Variants in HAUS1 observed in about 807,000 individuals in gnomAD.
The protein encoded by HAUS1 is HAUS augmin like complex subunit 1.
In HAUS1, 25 loss-of-function variants were observed where a neutral mutation model predicts 38.6. The observed-to-expected ratio is 0.65, with a 90% CI of 0.47 to 0.91. HAUS1 has a LOEUF of 0.91. HAUS1 is among the 40% of genes least tolerant of loss of function. HAUS1 has a pLI of 0.00. For missense variants in HAUS1, 325 were observed against 328.4 expected (o/e 0.99, Z 0.08); for synonymous variants, 109 against 112.9 (o/e 0.97, Z 0.22).
At chr18:46,109,556 G>C (rs1299924012) in intron 2 of HAUS1, 1 of 151,976 alleles carries the variant, frequency 6.6e-6, no homozygotes, top group Non-Finnish European at 1.5e-5. Context: ...CTCTCCTGAA[G>C]AGTGTTCTAT....
chr18:46,106,507 A>T (rs182739115), intron 2 of HAUS1, among the ~76,000 whole-genome samples: 43 of 152,152 alleles, frequency 2.8e-4, no homozygotes, highest in African/African-American at 1.0e-3. Context: ...TGCATTCAAG[A>T]TGCCTATTGT....
At chr18:46,109,087 A>G (rs989549466) in intron 2 of HAUS1, among the ~76,000 whole-genome samples, 2 of 147,998 alleles carry the variant, frequency 1.4e-5, no homozygotes, top group Non-Finnish European at 3.0e-5. Flanking sequence ...AAAAAAAAAA[A>G]AGAGAAAAGA....
chr18:46,108,010 AG>A (rs1235770535), intron 2 of HAUS1, among the ~76,000 whole-genome samples: 5 of 152,206 alleles, frequency 3.3e-5, no homozygotes, highest in Admixed American at 6.6e-5. Flanking sequence ...GGCTGTGTGG[AG>A]ATTTTTAATC....
At position 46,105,343 on chromosome 18, in the gene HAUS1, G is replaced by A; in HGVS notation, c.180G>A (p.Gln60=). The change falls in exon 2 of 9, where the codon CAG becomes CAA. Residue 60 remains glutamine, a synonymous_variant. Transcript: ENST00000282058. Reference sequence around the variant, plus strand: ...ACCTGGTAATAGAGGACTTGAAGCAGAAAGCAAGTGAATACGAGTCAGAAG... The same window carrying A: ...ACCTGGTAATAGAGGACTTGAAGCAAAAAGCAAGTGAATACGAGTCAGAAG... ...DVYLVIEDLK[Q]KASEYESEAK... is the part of the protein sequence containing the mutation. 6.2e-7 allele frequency: 1 copy of A among 1,613,144 alleles called. No homozygotes were observed. The highest frequency in any genetic ancestry group is 8.5e-7 in the Non-Finnish European group (1 of 1,179,560).
At chr18:46,110,152 C>CTTTT (rs869105132) in intron 2 of HAUS1, among the ~76,000 whole-genome samples, 5,047 of 115,268 alleles carry the variant, frequency 0.044, 227 homozygotes, top group African/African-American at 0.08. Flanking sequence ...TTATTTTGTC[C>CTTTT]TTTTTTTTTT....
chr18:46,117,583 CTT>C (rs1294963590), intron 2 of HAUS1, among the ~76,000 whole-genome samples: 2 of 152,088 alleles, frequency 1.3e-5, no homozygotes, highest in African/African-American at 4.8e-5. Context: ...AATCCTAGCA[CTT>C]TGGGAGGCCA....
Position 46,122,458 on chromosome 18 carries a change from T to G in HAUS1, c.477-9T>G. On this transcript the variant is annotated splice_polypyrimidine_tract_variant and intron_variant, in intron 4 of 8. Coordinates refer to ENST00000282058, the MANE Select transcript of HAUS1 (RefSeq NM_138443.4). ...AAGAAGAAAATGTTTTTAATTTTGCTTTTTAAAGGGATGTCAAGAAAGCAG... is the reference window on the plus strand; with the variant it reads ...AAGAAGAAAATGTTTTTAATTTTGCGTTTTAAAGGGATGTCAAGAAAGCAG... 5 of 1,612,400 alleles carry G rather than the reference T, an allele frequency of 3.1e-6. No homozygotes were observed. The highest frequency in any genetic ancestry group is 4.2e-6 in the Non-Finnish European group (5 of 1,179,430).
chr18:46,116,638 T>C (rs944536525), intron 2 of HAUS1, among the ~76,000 whole-genome samples: 4 of 151,698 alleles, frequency 2.6e-5, no homozygotes, highest in Non-Finnish European at 5.9e-5. Context: ...GCAAGGGGTA[T>C]ACACAGACAT....
intron 5 of HAUS1, 75 bp from the exon 6 acceptor site, chr18:46,123,215 AAAAAAGAAG>A: frequency 1.0e-6 from 1 of 982,858 alleles, no homozygotes; most frequent in Non-Finnish European, 1.6e-6. Context: ...GGTCTCAAAA[AAAAAAGAAG>A]AAAAAGAAAA....
Position 46,125,861 on chromosome 18 carries a change from C to A in HAUS1, c.786+70C>A, listed in dbSNP as rs550722425. 42 of 929,968 alleles carry A rather than the reference C, an allele frequency of 4.5e-5. 1 individual carries two copies. The highest frequency in any genetic ancestry group is 4.2e-4 in the African/African-American group (25 of 59,992). The allele number at this position is 929,968 out of a possible 1,614,324, so 57.6% of individuals were successfully genotyped here. A position where few individuals can be genotyped will look rare whatever the true frequency, so the allele number is the denominator to read the frequency against. On this transcript the variant is annotated intron_variant, in intron 8 of 8. Coordinates refer to ENST00000282058, the MANE Select transcript of HAUS1 (RefSeq NM_138443.4). ...TAAATGCTAATATAGCTAAAGTCTT[C>A]TTCATCCTTCTTTCCTTTCTCCTCA...
chr18:46,128,003 T>G (rs1912156832), intron 8 of HAUS1, 72 bp from the exon 9 acceptor site: 5 of 891,580 alleles, frequency 5.6e-6, no homozygotes, highest in Non-Finnish European at 8.3e-6. Flanking sequence ...TTCCCTTATT[T>G]TAAATAACAT....
chr18:46,119,737 A>G (rs1267107604), intron 3 of HAUS1, among the ~76,000 whole-genome samples, 189 bp from the exon 4 acceptor site: 1 of 152,198 alleles, frequency 6.6e-6, no homozygotes, highest in Non-Finnish European at 1.5e-5. Flanking sequence ...TTTTGAAGGA[A>G]CAAATGGAAC....
At chr18:46,112,975 A>ATT in intron 2 of HAUS1, among the ~76,000 whole-genome samples, 1 of 67,962 alleles carries the variant, frequency 1.5e-5, no homozygotes, top group South Asian at 3.7e-4. Context: ...TATATTCCAT[A>ATT]TTATATATAT....
At chr18:46,105,123 C>G (rs924431839) in intron 1 of HAUS1, 71 bp from the exon 2 acceptor site, 6 of 1,169,150 alleles carry the variant, frequency 5.1e-6, no homozygotes, top group Non-Finnish European at 7.2e-6. Context: ...TTGATCACTT[C>G]TTTGTCATAT....
intron 3 of HAUS1, among the ~76,000 whole-genome samples, chr18:46,118,740 A>G (rs1171091509): frequency 6.6e-6 from 1 of 152,212 alleles, no homozygotes; most frequent in Non-Finnish European, 1.5e-5. Flanking sequence ...CTTTAGAGGA[A>G]TCAGGAGGTG....
intron 6 of HAUS1, among the ~76,000 whole-genome samples, chr18:46,124,573 A>G (rs7233665): frequency 0.17 from 26,234 of 151,770 alleles, 3,205 homozygotes; most frequent in East Asian, 0.41. Context: ...GCAACACAGA[A>G]AGACTCCATC....
intron 2 of HAUS1, 178 bp downstream of exon 2, chr18:46,105,546 ATGTATGTGTGTGTGTGTGTGTGTG>A (rs1194275530): frequency 4.2e-6 from 2 of 474,886 alleles, no homozygotes; most frequent in African/African-American, 4.4e-5. Flanking sequence ...ATATATGTAT[ATGTATGTGTGTGTGTGTGTGTGTG>A]TGTGTGTGTG....
intron 3 of HAUS1, 46 bp from the exon 4 acceptor site, chr18:46,119,880 A>G (rs764696685): frequency 4.7e-6 from 7 of 1,475,004 alleles, no homozygotes; most frequent in Non-Finnish European, 2.7e-6. Context: ...AGTAATTATA[A>G]TTATTGCCCA....
rs564002545 is a variant in HAUS1, at chr18:46,116,792, C to T, written c.206-1389C>T. Reference sequence around the variant, plus strand: ...CTTTGGGAGGCCAAGGCAGGCAGATCGCTTGAGTCCAGGAGTTCAAGACCA... The same window carrying T: ...CTTTGGGAGGCCAAGGCAGGCAGATTGCTTGAGTCCAGGAGTTCAAGACCA... On this transcript the variant is annotated intron_variant, in intron 2 of 8. Transcript: ENST00000282058. Among the ~76,000 whole-genome samples, 14 of 151,976 alleles carry T rather than the reference C, an allele frequency of 9.2e-5. No individual in the cohort carries two copies. The East Asian group carries it at 2.1e-3, about 23-fold the overall frequency.
Sources: allele counts gnomAD v4.1 joint callset (sites outside exome capture counted in the v4.1 genomes callset), GRCh38; gene constraint gnomAD v4.1.1; transcripts MANE v1.5; gene names NCBI Gene and HGNC (gene_info 2026-07-23, HGNC 2026-07-21).